The following PIK3CB variants were observed in gnomAD, a reference collection of about 807,000 sequenced individuals.
PIK3CB encodes the protein phosphatidylinositol-4,5-bisphosphate 3-kinase catalytic subunit beta.
In PIK3CB, 39 loss-of-function variants were observed where a neutral mutation model predicts 136.8. The ratio of observed to expected loss-of-function variants is 0.29; its 90% CI spans 0.22 to 0.37. PIK3CB has a LOEUF of 0.37. Ranked by LOEUF, PIK3CB falls within the 10% of genes least tolerant of loss-of-function variation. PIK3CB has a pLI of 1.00. For missense variants in PIK3CB, 868 were observed against 1,275.4 expected (o/e 0.68, Z 4.87); for synonymous variants, 428 against 436.6 (o/e 0.98, Z 0.25).
At chr3:138,664,623 T>C (rs2043367711) in intron 20 of PIK3CB, among the ~76,000 whole-genome samples, 1 of 152,224 alleles carries the variant, frequency 6.6e-6, no homozygotes, top group Admixed American at 6.5e-5. Context: ...ATTTCCTATA[T>C]ATTAGTGCTT....
chr3:138,668,787 T>C (rs935708094), intron 19 of PIK3CB, among the ~76,000 whole-genome samples: 6 of 152,170 alleles, frequency 3.9e-5, no homozygotes, highest in Non-Finnish European at 7.3e-5. Context: ...TCCATCACTG[T>C]AGCAACACAC....
chr3:138,816,759 T>C (rs1933352132), intron 1 of PIK3CB, among the ~76,000 whole-genome samples: 1 of 152,150 alleles, frequency 6.6e-6, no homozygotes, highest in Non-Finnish European at 1.5e-5. Flanking sequence ...GAGGGTTTAT[T>C]CACCTCATTT....
chr3:138,749,664 T>A (rs906368621), intron 4 of PIK3CB, among the ~76,000 whole-genome samples: 5 of 152,206 alleles, frequency 3.3e-5, no homozygotes, highest in Non-Finnish European at 5.9e-5. Flanking sequence ...ATTCTTCACA[T>A]GTGCCATTTC....
chr3:138,767,241 C>A (rs1026732423), intron 2 of PIK3CB, among the ~76,000 whole-genome samples: 2 of 152,092 alleles, frequency 1.3e-5, no homozygotes, highest in African/African-American at 4.8e-5. Flanking sequence ...GTAGAAAATT[C>A]AAAAATCATG....
intron 3 of PIK3CB, among the ~76,000 whole-genome samples, chr3:138,758,763 G>A (rs1206873667): frequency 2.6e-5 from 4 of 152,126 alleles, no homozygotes; most frequent in African/African-American, 9.7e-5. Context: ...CAAATCAACG[G>A]TGCTCATCAA....
chr3:138,780,503 T>C (rs2108786911), intron 2 of PIK3CB, among the ~76,000 whole-genome samples: 1 of 151,950 alleles, frequency 6.6e-6, no homozygotes, highest in South Asian at 2.1e-4. Flanking sequence ...TCTCTTGACC[T>C]CGTGATCTGC....
At chr3:138,678,934 C>G (rs2043704866) in intron 19 of PIK3CB, among the ~76,000 whole-genome samples, 1 of 152,002 alleles carries the variant, frequency 6.6e-6, no homozygotes, top group African/African-American at 2.4e-5. Context: ...AGCCTGGTGA[C>G]CCGTGCCTGT....
At chr3:138,724,637 T>G (rs1274268569) in intron 8 of PIK3CB, among the ~76,000 whole-genome samples, 4 of 152,152 alleles carry the variant, frequency 2.6e-5, no homozygotes, top group African/African-American at 9.7e-5. Flanking sequence ...AAGTCTCCAT[T>G]CATCTTGTCA....
intron 19 of PIK3CB, among the ~76,000 whole-genome samples, chr3:138,668,129 C>T (rs2043454157): frequency 6.6e-6 from 1 of 152,032 alleles, no homozygotes; most frequent in Admixed American, 6.6e-5. Context: ...GGGGGCAGAA[C>T]TGTCAAAATA....
chr3:138,694,350 T>G (rs539975628), intron 14 of PIK3CB, among the ~76,000 whole-genome samples: 10 of 152,226 alleles, frequency 6.6e-5, no homozygotes, highest in African/African-American at 2.2e-4. Context: ...CAGACTTGTA[T>G]TATCACAACT....
intron 2 of PIK3CB, among the ~76,000 whole-genome samples, chr3:138,766,287 T>A (rs192553147): frequency 7.6e-4 from 116 of 152,316 alleles, no homozygotes; most frequent in African/African-American, 2.7e-3. Flanking sequence ...GGGATAACCA[T>A]TATTTATTTC....
At chr3:138,671,431 GGTT>G (rs2043530516) in intron 19 of PIK3CB, among the ~76,000 whole-genome samples, 1 of 152,120 alleles carries the variant, frequency 6.6e-6, no homozygotes, top group African/African-American at 2.4e-5. Context: ...TGTAGACTAA[GGTT>G]GTTGCAGATA....
At chr3:138,729,098 T>C (rs997899119) in intron 8 of PIK3CB, among the ~76,000 whole-genome samples, 1 of 152,036 alleles carries the variant, frequency 6.6e-6, no homozygotes, top group Non-Finnish European at 1.5e-5. Context: ...CTGGCCAACA[T>C]GGCGAAACCC....
intron 2 of PIK3CB, among the ~76,000 whole-genome samples, chr3:138,782,904 A>G (rs1457167964): frequency 6.6e-6 from 1 of 152,184 alleles, no homozygotes; most frequent in Admixed American, 6.5e-5. Context: ...GCCTTCACTA[A>G]TTTAGTCAAA....
intron 2 of PIK3CB, chr3:138,778,004 A>C (rs542175470): frequency 2.8e-4 from 110 of 394,902 alleles, no homozygotes; most frequent in Admixed American, 2.4e-3. Flanking sequence ...TGGCACAGTC[A>C]AGGCTGAGAA....
chr3:138,790,450 TA>T lies in PIK3CB; in HGVS notation c.-17+6012del, dbSNP rs113027527. On this transcript the variant is annotated intron_variant, in intron 2 of 23. Coordinates refer to ENST00000674063, the MANE Select transcript of PIK3CB (RefSeq NM_006219.3). ...AAACAGGGCAAAACCCTGTCCTCAT[TA>T]AAAAAAAAAAAAAGCAAAATGATAA... 8.3e-3 allele frequency among the ~76,000 whole-genome samples: 1,112 copies of T among 134,282 alleles called. 3 individuals are homozygous for T. Among genetic ancestry groups the T allele is most frequent in the African/African-American group, 0.018 (651 of 36,560 alleles). The allele number at this position is 134,282 out of a possible 152,430, so 88.1% of individuals were successfully genotyped here.
intron 16 of PIK3CB, chr3:138,685,220 A>C (rs2043858638): frequency 6.5e-6 from 1 of 154,932 alleles, no homozygotes; most frequent in Non-Finnish European, 1.4e-5. Flanking sequence ...GCGAAACCCT[A>C]TCTCTACAAA....
intron 1 of PIK3CB, chr3:138,824,958 G>C: frequency 5.5e-6 from 1 of 183,358 alleles, no homozygotes; most frequent in East Asian, 1.3e-4. Context: ...CCAGCTACTT[G>C]GGAGGCTGGA....
At chr3:138,666,620 T>C (rs1351067604) in intron 19 of PIK3CB, among the ~76,000 whole-genome samples, 1 of 152,222 alleles carries the variant, frequency 6.6e-6, no homozygotes, top group African/African-American at 2.4e-5. Flanking sequence ...GCAAATATTT[T>C]CTCTAATTTC....
Sources: allele counts gnomAD v4.1 joint callset (sites outside exome capture counted in the v4.1 genomes callset), GRCh38; gene constraint gnomAD v4.1.1; transcripts MANE v1.5; gene names NCBI Gene and HGNC (gene_info 2026-07-23, HGNC 2026-07-21).